The following EPB41L4A variants were observed in gnomAD, a reference collection of about 807,000 sequenced individuals.
The protein encoded by EPB41L4A is band 4.1-like protein 4A.
Under a neutral mutation model 108.6 loss-of-function variants are expected in EPB41L4A, and 100 were observed. The ratio of observed to expected loss-of-function variants is 0.92; its 90% CI spans 0.78 to 1.09. The LOEUF (loss-of-function observed/expected upper bound fraction) is 1.09. Among genes scored for constraint, EPB41L4A ranks in the 50% least tolerant of loss-of-function variants. The probability of loss-of-function intolerance (pLI) is 0.00; values close to 1 mark genes in which losing one functional copy is unlikely to be tolerated. For synonymous variants in EPB41L4A, 319 were observed against 289.0 expected (o/e 1.10, Z -1.05); for missense variants, 1,030 against 842.7 (o/e 1.22, Z -2.75).
chr5:112,328,161 T>A (rs1044634262), intron 1 of EPB41L4A, among the ~76,000 whole-genome samples: 8 of 151,976 alleles, frequency 5.3e-5, no homozygotes, highest in African/African-American at 1.9e-4. Context: ...TATAAAAAAT[T>A]AGCCGAGTGT....
intron 1 of EPB41L4A, among the ~76,000 whole-genome samples, chr5:112,332,580 A>G (rs1261027914): frequency 6.6e-6 from 1 of 152,204 alleles, no homozygotes; most frequent in Non-Finnish European, 1.5e-5. Flanking sequence ...CCCAACCTGG[A>G]CAATGATTTT....
At chr5:112,355,621 C>T (rs1424834995) in intron 1 of EPB41L4A, among the ~76,000 whole-genome samples, 8 of 152,088 alleles carry the variant, frequency 5.3e-5, no homozygotes, top group Admixed American at 5.2e-4. Context: ...TCTTCCGAAC[C>T]CTCTCCCGAT....
Position 112,204,480 on chromosome 5 carries a change from T to G in EPB41L4A, c.1271A>C (p.Tyr424Ser). Residue 424 changes from tyrosine (Y) to serine (S), a missense_variant, in exon 15 of 23, where the codon TAC becomes TCC. Transcript: ENST00000261486. Reference sequence around the variant, plus strand: ...CTTAGTGCGATCACTGGGAGAATTGTAGAGTCCACTGGAGAGAAAGAAAAA... The same window carrying G: ...CTTAGTGCGATCACTGGGAGAATTGGAGAGTCCACTGGAGAGAAAGAAAAA... ...WEENGPQSGL[Y>S]NSPSDRTKSP... 6.2e-7 allele frequency: 1 copy of G among 1,609,944 alleles called. No homozygotes were observed. Among genetic ancestry groups the G allele is most frequent in the Non-Finnish European group, 8.5e-7 (1 of 1,176,362 alleles).
intron 1 of EPB41L4A, among the ~76,000 whole-genome samples, chr5:112,343,813 C>A (rs923703869): frequency 6.6e-6 from 1 of 152,182 alleles, no homozygotes; most frequent in African/African-American, 2.4e-5. Context: ...AATTACAATG[C>A]ACAGCCCTCT....
At chr5:112,171,824 G>T (rs1443868173) in intron 18 of EPB41L4A, among the ~76,000 whole-genome samples, 1 of 152,140 alleles carries the variant, frequency 6.6e-6, no homozygotes, top group Non-Finnish European at 1.5e-5. Flanking sequence ...CCCTTTAAGA[G>T]AACAGAGATC....
intron 1 of EPB41L4A, among the ~76,000 whole-genome samples, chr5:112,416,595 A>C (rs1483133108): frequency 6.6e-6 from 1 of 152,178 alleles, no homozygotes; most frequent in Non-Finnish European, 1.5e-5. Flanking sequence ...AAAATTACTA[A>C]GTATACTATC....
chr5:112,408,120 T>A (rs547634400), intron 1 of EPB41L4A, among the ~76,000 whole-genome samples: 3 of 152,208 alleles, frequency 2.0e-5, no homozygotes, highest in African/African-American at 7.2e-5. Flanking sequence ...TTATTTTTAA[T>A]TGATTTTTTT....
chr5:112,370,070 G>A (rs780218077), intron 1 of EPB41L4A, among the ~76,000 whole-genome samples: 2 of 151,848 alleles, frequency 1.3e-5, no homozygotes, highest in Non-Finnish European at 2.9e-5. Context: ...TGTCACCCGG[G>A]CTAAACTGCA....
chr5:112,181,749 T>C (rs1189565503), intron 18 of EPB41L4A, among the ~76,000 whole-genome samples: 1 of 152,084 alleles, frequency 6.6e-6, no homozygotes, highest in East Asian at 1.9e-4. Flanking sequence ...TTATATGAAG[T>C]TCGACAAGAG....
At chr5:112,156,081 A>G (rs184050672) in intron 12 of EPB41L4A, among the ~76,000 whole-genome samples, 1 of 152,308 alleles carries the variant, frequency 6.6e-6, no homozygotes, top group Admixed American at 6.5e-5. Flanking sequence ...GTTTAATATC[A>G]GAAAATGTAT....
chr5:112,280,190 G>A, intron 3 of EPB41L4A, 82 bp downstream of exon 3: 1 of 1,205,758 alleles, frequency 8.3e-7, no homozygotes, highest in South Asian at 1.2e-5. Flanking sequence ...CAGTACTAAA[G>A]CCCACTTCTG....
intron 1 of EPB41L4A, among the ~76,000 whole-genome samples, chr5:112,378,510 A>G (rs1759962418): frequency 6.6e-6 from 1 of 152,208 alleles, no homozygotes. Context: ...AGAAATATAG[A>G]GAAAGTTTCC....
At chr5:112,345,328 T>C (rs1055513306) in intron 1 of EPB41L4A, among the ~76,000 whole-genome samples, 4 of 152,352 alleles carry the variant, frequency 2.6e-5, no homozygotes, top group Non-Finnish European at 4.4e-5. Flanking sequence ...GAACTGACTA[T>C]ATAAAATTGT....
chr5:112,388,284 C>A (rs1760694750), intron 1 of EPB41L4A, among the ~76,000 whole-genome samples: 1 of 152,128 alleles, frequency 6.6e-6, no homozygotes, highest in East Asian at 1.9e-4. Context: ...CAGCCAGAGT[C>A]AGCCTTAAAT....
At chr5:112,339,007 T>C (rs1298366922) in intron 1 of EPB41L4A, among the ~76,000 whole-genome samples, 1 of 136,558 alleles carries the variant, frequency 7.3e-6, no homozygotes, top group East Asian at 2.1e-4. Context: ...TCAGAGAACA[T>C]TTGTAAATAA....
chr5:112,358,253 A>T (rs1363746105), intron 1 of EPB41L4A, among the ~76,000 whole-genome samples: 1 of 152,230 alleles, frequency 6.6e-6, no homozygotes, highest in African/African-American at 2.4e-5. Flanking sequence ...GAACTTACAC[A>T]CATATATTAC....
intron 4 of EPB41L4A, among the ~76,000 whole-genome samples, chr5:112,267,581 G>A (rs533878936): frequency 2.6e-5 from 4 of 152,172 alleles, no homozygotes; most frequent in South Asian, 4.1e-4. Context: ...AATCATCCCT[G>A]GCACCCACAT....
At chr5:112,160,253 A>T (rs777210571), downstream of EPB41L4A, among the ~76,000 whole-genome samples, 2 of 152,006 alleles carry the variant, frequency 1.3e-5, no homozygotes, top group Non-Finnish European at 2.9e-5. Flanking sequence ...TTAAAATTAC[A>T]CTCATGGCTC....
chr5:112,306,445 C>T (rs1471106948), intron 2 of EPB41L4A, among the ~76,000 whole-genome samples: 1 of 152,010 alleles, frequency 6.6e-6, no homozygotes, highest in African/African-American at 2.4e-5. Flanking sequence ...ATTAAGGAAC[C>T]AGCTCAAGAA....
Sources: allele counts gnomAD v4.1 joint callset (sites outside exome capture counted in the v4.1 genomes callset), GRCh38; gene constraint gnomAD v4.1.1; transcripts MANE v1.5; gene names NCBI Gene and HGNC (gene_info 2026-07-23, HGNC 2026-07-21).